Variants in CUL2 observed in about 807,000 individuals in gnomAD.
The protein encoded by CUL2 is cullin-2.
In CUL2, 22 loss-of-function variants were observed where a neutral mutation model predicts 110.2. The ratio of observed to expected loss-of-function variants is 0.20; its 90% CI spans 0.14 to 0.28. CUL2 has a LOEUF of 0.28. Ranked by LOEUF, CUL2 falls within the 10% of genes least tolerant of loss-of-function variation. The pLI, the probability that CUL2 is intolerant of heterozygous loss-of-function variation, is 1.00. For missense variants in CUL2, 631 were observed against 905.5 expected, an observed-to-expected ratio of 0.70 and a Z score of 3.89; for synonymous variants, 279 against 293.2, an observed-to-expected ratio of 0.95 and a Z score of 0.49.
chr10:35,016,969 T>C (rs986945550), intron 17 of CUL2, among the ~76,000 whole-genome samples: 3 of 135,014 alleles, frequency 2.2e-5, no homozygotes, highest in Non-Finnish European at 4.9e-5. Flanking sequence ...TAAATATTAA[T>C]AGAAATGCTA....
At chr10:35,069,934 T>C (rs1276388933) in intron 2 of CUL2, among the ~76,000 whole-genome samples, 7 of 152,360 alleles carry the variant, frequency 4.6e-5, no homozygotes, top group African/African-American at 1.2e-4. Context: ...CAATCCATAA[T>C]GTTCCACAGA....
At chr10:35,052,908 A>G (rs967205923) in intron 5 of CUL2, among the ~76,000 whole-genome samples, 15 of 139,506 alleles carry the variant, frequency 1.1e-4, no homozygotes, top group African/African-American at 4.4e-4. Context: ...AAAAAAAAAG[A>G]AAAAAAAAAA....
At chr10:35,114,180 C>G (rs2087560613) in intron 1 of CUL2, among the ~76,000 whole-genome samples, 1 of 151,852 alleles carries the variant, frequency 6.6e-6, no homozygotes, top group Non-Finnish European at 1.5e-5. Flanking sequence ...CCTCGGCCTC[C>G]CAAAGTGCTG....
chr10:35,083,831 C>T (rs1287570261), intron 1 of CUL2, among the ~76,000 whole-genome samples: 1 of 152,172 alleles, frequency 6.6e-6, no homozygotes, highest in Non-Finnish European at 1.5e-5. Context: ...CCTGTACTTT[C>T]TCTCCTTCAA....
chr10:35,033,760 A>C lies in CUL2; in HGVS notation c.1003-487T>G, dbSNP rs1346468635. Reference sequence around the variant, plus strand: ...TCAGAAAAACAACAACAACAACAAAAAAAAAAAAAAAGGAAGAAAGAAAAT... The same window carrying C: ...TCAGAAAAACAACAACAACAACAAACAAAAAAAAAAAGGAAGAAAGAAAAT... On this transcript the variant is annotated intron_variant, in intron 10 of 20. Coordinates refer to ENST00000374749, the MANE Select transcript of CUL2 (RefSeq NM_003591.4). Among the ~76,000 whole-genome samples, 1,348 of 149,140 alleles carry C rather than the reference A, an allele frequency of 9.0e-3. 20 individuals carry two copies. Among genetic ancestry groups the C allele is most frequent in the African/African-American group, 0.03 (1,242 of 41,142 alleles).
intron 1 of CUL2, among the ~76,000 whole-genome samples, chr10:35,114,231 TTC>T (rs1269254634): frequency 3.3e-5 from 5 of 149,902 alleles, no homozygotes; most frequent in Non-Finnish European, 7.4e-5. Flanking sequence ...CCCGTATTTT[TTC>T]TTTTTCTTTT....
chr10:35,044,654 G>C lies in CUL2; in HGVS notation c.626C>G (p.Ser209Cys). ...PLKFYQEIFE[S>C]PFLTETGEYY... Reference sequence around the variant, plus strand: ...CTCTCCTGTTTCAGTCAGAAAGGGAGACTCAAAAATTTCCTGATAAAACTG... The same window carrying C: ...CTCTCCTGTTTCAGTCAGAAAGGGACACTCAAAAATTTCCTGATAAAACTG... The change falls in exon 8 of 21, where the codon TCT becomes TGT. Residue 209 changes from serine (S) to cysteine (C), a missense_variant. Coordinates refer to ENST00000374749, the MANE Select transcript of CUL2 (RefSeq NM_003591.4). 1 of 1,608,476 alleles carries C rather than the reference G, an allele frequency of 6.2e-7. No homozygotes were observed. Among genetic ancestry groups the C allele is most frequent in the Non-Finnish European group, 8.5e-7 (1 of 1,178,486 alleles).
At chr10:35,089,290 C>T (rs1427782657) in intron 1 of CUL2, among the ~76,000 whole-genome samples, 1 of 152,152 alleles carries the variant, frequency 6.6e-6, no homozygotes, top group Non-Finnish European at 1.5e-5. Flanking sequence ...ATGTGTCTGT[C>T]TTGAAAAGGA....
rs75366845 is a variant in CUL2, at chr10:35,071,394, T to G, written c.-22-55A>C. 8,352 of 1,486,396 alleles carry G rather than the reference T, an allele frequency of 5.6e-3. 309 individuals carry two copies. In the East Asian group the frequency reaches 0.079, roughly 14 times the overall value. The allele number at this position is 1,486,396 out of a possible 1,614,324, so 92.1% of individuals were successfully genotyped here. A position where few individuals can be genotyped will look rare whatever the true frequency, so the allele number is the denominator to read the frequency against. On this transcript the variant is annotated intron_variant, in intron 1 of 20. Coordinates refer to ENST00000374749, the MANE Select transcript of CUL2 (RefSeq NM_003591.4). Reference sequence around the variant, plus strand: ...GCAATAATTCCATGAGCTTAGTTTTTTTGTTGTTGTTTTTTGTTTGTTTGC... The same window carrying G: ...GCAATAATTCCATGAGCTTAGTTTTGTTGTTGTTGTTTTTTGTTTGTTTGC...
intron 6 of CUL2, among the ~76,000 whole-genome samples, chr10:35,046,029 T>C (rs2085929394): frequency 6.6e-6 from 1 of 152,238 alleles, no homozygotes; most frequent in Admixed American, 6.5e-5. Context: ...TCCAGGCAAT[T>C]ACCTTTACAT....
chr10:35,010,176 G>T lies in CUL2; in HGVS notation c.*135C>A. On this transcript the variant is annotated 3_prime_UTR_variant, in exon 21 of 21. Coordinates refer to ENST00000374749, the MANE Select transcript of CUL2 (RefSeq NM_003591.4). ...CTTTGACGCTCATGACGTGGCACTG[G>T]TGATGTTGTAAACAGCAGAAAACAG... is the stretch of plus-strand genomic sequence containing the variant. 1 of 750,192 alleles carries T rather than the reference G, an allele frequency of 1.3e-6. No individual in the cohort carries two copies. The allele number at this position is 750,192 out of a possible 1,614,324, so 46.5% of individuals were successfully genotyped here. A position where few individuals can be genotyped will look rare whatever the true frequency, so the allele number is the denominator to read the frequency against.
chr10:35,082,383 C>G (rs2086965086), intron 1 of CUL2, among the ~76,000 whole-genome samples: 1 of 152,066 alleles, frequency 6.6e-6, no homozygotes, highest in African/African-American at 2.4e-5. Context: ...GAGATGTTAT[C>G]AGATGCTGGG....
intron 1 of CUL2, among the ~76,000 whole-genome samples, chr10:35,109,365 T>G (rs913839393): frequency 5.9e-5 from 9 of 152,196 alleles, no homozygotes; most frequent in African/African-American, 1.9e-4. Context: ...TCATATATAT[T>G]ATGTGCCATG....
intron 9 of CUL2, among the ~76,000 whole-genome samples, chr10:35,036,618 G>A (rs2085627350): frequency 6.6e-6 from 1 of 152,080 alleles, no homozygotes; most frequent in Non-Finnish European, 1.5e-5. Context: ...ATGTTTATTG[G>A]CCATCTGGGT....
At chr10:35,116,985 G>T (rs2087614446) in intron 1 of CUL2, among the ~76,000 whole-genome samples, 1 of 151,608 alleles carries the variant, frequency 6.6e-6, no homozygotes, top group Non-Finnish European at 1.5e-5. Flanking sequence ...AGCCAGGGCT[G>T]ATTTCCAGCT....
At chr10:35,122,791 C>T (rs1242838616) in intron 1 of CUL2, among the ~76,000 whole-genome samples, 2 of 152,158 alleles carry the variant, frequency 1.3e-5, no homozygotes, top group East Asian at 1.9e-4. Flanking sequence ...GCATGCGCCA[C>T]CATGCCCAGC....
intron 2 of CUL2, among the ~76,000 whole-genome samples, chr10:35,067,577 C>T (rs2086566148): frequency 6.6e-6 from 1 of 151,748 alleles, no homozygotes; most frequent in Admixed American, 6.6e-5. Context: ...ATGGTGAAAC[C>T]CCATCTCTAC....
intron 17 of CUL2, among the ~76,000 whole-genome samples, chr10:35,021,940 A>G (rs2085212005): frequency 6.8e-6 from 1 of 147,366 alleles, no homozygotes; most frequent in Admixed American, 6.8e-5. Context: ...ACCCGGCCCT[A>G]TTAGCTCTTG....
chr10:35,089,903 C>T (rs2087163684), intron 1 of CUL2: 1 of 152,304 alleles, frequency 6.6e-6, no homozygotes, highest in African/African-American at 2.4e-5. Flanking sequence ...CACCTTCCCT[C>T]CTTCGAAGGA....
Sources: allele counts gnomAD v4.1 joint callset (sites outside exome capture counted in the v4.1 genomes callset), GRCh38; gene constraint gnomAD v4.1.1; transcripts MANE v1.5; gene names NCBI Gene and HGNC (gene_info 2026-07-23, HGNC 2026-07-21).